The following GABRB1 variants were observed in gnomAD, a reference collection of about 807,000 sequenced individuals.
GABRB1 encodes gamma-aminobutyric acid receptor subunit beta-1.
A neutral mutation model predicts 51.6 loss-of-function variants in GABRB1; 17 were observed. The observed-to-expected ratio is 0.33, with a 90% CI of 0.23 to 0.49. GABRB1 has a LOEUF of 0.49. Among genes scored for constraint, GABRB1 ranks in the 20% least tolerant of loss-of-function variants. GABRB1 has a pLI of 0.99. For missense variants in GABRB1, 410 were observed against 600.6 expected (o/e 0.68, Z 3.32); for synonymous variants, 247 against 218.9 (o/e 1.13, Z -1.14).
intron 3 of GABRB1, among the ~76,000 whole-genome samples, chr4:47,114,233 C>T (rs892029348): frequency 1.9e-4 from 29 of 152,224 alleles, no homozygotes; most frequent in Admixed American, 1.8e-3. Flanking sequence ...CTCTTGCTGC[C>T]ATCTACTTCC....
At chr4:47,289,413 TA>T (rs1409473125) in intron 4 of GABRB1, among the ~76,000 whole-genome samples, 1 of 152,180 alleles carries the variant, frequency 6.6e-6, no homozygotes, top group Non-Finnish European at 1.5e-5. Context: ...TTGAAATTGT[TA>T]TTAGGGGTGG....
chr4:47,114,436 T>C (rs1162901801), intron 3 of GABRB1, among the ~76,000 whole-genome samples: 1 of 152,166 alleles, frequency 6.6e-6, no homozygotes, highest in South Asian at 2.1e-4. Flanking sequence ...AATAAACCAG[T>C]GTGTTCATCC....
At chr4:47,098,994 A>T (rs1468970264) in intron 3 of GABRB1, among the ~76,000 whole-genome samples, 2 of 152,118 alleles carry the variant, frequency 1.3e-5, no homozygotes, top group Non-Finnish European at 2.9e-5. Context: ...TCTGATTTCC[A>T]ATGATTTTCC....
At chr4:47,160,355 C>G (rs1230657584) in intron 3 of GABRB1, among the ~76,000 whole-genome samples, 8 of 152,158 alleles carry the variant, frequency 5.3e-5, no homozygotes, top group Admixed American at 5.2e-4. Context: ...ACCAAATAAA[C>G]ATCTCCATTT....
chr4:47,137,274 T>C (rs547393732), intron 3 of GABRB1, among the ~76,000 whole-genome samples: 1 of 151,862 alleles, frequency 6.6e-6, no homozygotes, highest in African/African-American at 2.4e-5. Context: ...GATCTGGAGG[T>C]GGTCTGATGA....
intron 4 of GABRB1, among the ~76,000 whole-genome samples, chr4:47,182,923 T>G (rs912316843): frequency 6.6e-6 from 1 of 151,932 alleles, no homozygotes; most frequent in South Asian, 2.1e-4. Flanking sequence ...TTTAGCCACA[T>G]TTGAAGATTC....
intron 8 of GABRB1, among the ~76,000 whole-genome samples, chr4:47,411,135 A>C (rs1474123411): frequency 6.6e-6 from 1 of 152,226 alleles, no homozygotes; most frequent in Non-Finnish European, 1.5e-5. Context: ...TTGTCAACAG[A>C]AACAGAGCAG....
At chr4:47,295,713 A>G (rs1723959075) in intron 4 of GABRB1, among the ~76,000 whole-genome samples, 1 of 152,242 alleles carries the variant, frequency 6.6e-6, no homozygotes, top group African/African-American at 2.4e-5. Context: ...AAAGTCCTCA[A>G]TCTAGCAAGG....
At chr4:47,343,462 G>A (rs144978143) in intron 5 of GABRB1, among the ~76,000 whole-genome samples, 19 of 152,250 alleles carry the variant, frequency 1.2e-4, no homozygotes, top group African/African-American at 4.6e-4. Context: ...TGACTGCACT[G>A]GTTTGATAGG....
chr4:47,395,726 T>G (rs1004742149), intron 5 of GABRB1, among the ~76,000 whole-genome samples: 1 of 152,180 alleles, frequency 6.6e-6, no homozygotes, highest in Non-Finnish European at 1.5e-5. Context: ...AAGTTTAGAG[T>G]GAAAATTTCC....
chr4:47,129,568 G>A (rs909590630), intron 3 of GABRB1, among the ~76,000 whole-genome samples: 1 of 152,122 alleles, frequency 6.6e-6, no homozygotes, highest in African/African-American at 2.4e-5. Context: ...ACTTACAGTT[G>A]ACTAACATAA....
intron 4 of GABRB1, among the ~76,000 whole-genome samples, chr4:47,284,311 G>T (rs985636788): frequency 6.6e-6 from 1 of 151,966 alleles, no homozygotes; most frequent in Non-Finnish European, 1.5e-5. Context: ...TGTAAAGATG[G>T]CCCTATTGCC....
At chr4:47,283,487 C>A (rs948855241) in intron 4 of GABRB1, among the ~76,000 whole-genome samples, 2 of 146,726 alleles carry the variant, frequency 1.4e-5, no homozygotes, top group Non-Finnish European at 3.0e-5. Flanking sequence ...CCAGGTTCAC[C>A]CCATTCTCCT....
At chr4:47,246,353 T>C (rs1424528926) in intron 4 of GABRB1, among the ~76,000 whole-genome samples, 12 of 19,756 alleles carry the variant, frequency 6.1e-4, no homozygotes, top group Admixed American at 1.2e-3. Flanking sequence ...TATATATATA[T>C]ATATATATAT....
At chr4:47,341,136 C>T (rs1725878979) in intron 5 of GABRB1, among the ~76,000 whole-genome samples, 2 of 152,156 alleles carry the variant, frequency 1.3e-5, no homozygotes, top group African/African-American at 4.8e-5. Flanking sequence ...TTCTCAACTC[C>T]ATGAAATTTG....
At position 47,350,216 on chromosome 4, in the gene GABRB1, TATAGAG is replaced by T. The variant is rs1410613623; in HGVS notation, c.544+30009_544+30014del. Among the ~76,000 whole-genome samples the T allele has an allele frequency of 3.0e-3, 224 of 73,760 alleles. 1 individual carries two copies. Among genetic ancestry groups the T allele is most frequent in the South Asian group, 5.3e-3 (10 of 1,886 alleles). 48.4% of individuals were successfully genotyped at this position (73,760 alleles called of 152,430 possible). A position where few individuals can be genotyped will look rare whatever the true frequency, so the allele number is the denominator to read the frequency against. On this transcript the variant is annotated intron_variant, in intron 5 of 8. Coordinates refer to ENST00000295454, the MANE Select transcript of GABRB1 (RefSeq NM_000812.4). ...ATATATATATATATATATATATATA[TATAGAG>T]AGAGAGAGAGAGAGAGAGAGAGGTT...
intron 5 of GABRB1, among the ~76,000 whole-genome samples, chr4:47,352,192 G>T (rs1317539078): frequency 6.6e-6 from 1 of 152,092 alleles, no homozygotes; most frequent in Non-Finnish European, 1.5e-5. Context: ...GTGTCTGTTG[G>T]CTGCATAAAT....
At chr4:47,085,053 TCA>T (rs1728005374) in intron 3 of GABRB1, among the ~76,000 whole-genome samples, 1 of 152,214 alleles carries the variant, frequency 6.6e-6, no homozygotes, top group African/African-American at 2.4e-5. Context: ...TCTCTGACTC[TCA>T]TCATCTTAGA....
intron 5 of GABRB1, among the ~76,000 whole-genome samples, chr4:47,384,658 CT>C (rs1313748809): frequency 1.3e-5 from 2 of 152,130 alleles, no homozygotes; most frequent in African/African-American, 2.4e-5. Flanking sequence ...AAGAATAACA[CT>C]GTTAGTGCAG....
Sources: gnomAD v4.1 joint callset for allele counts (sites outside exome capture counted in the v4.1 genomes callset) on GRCh38, gnomAD v4.1.1 for gene constraint, MANE v1.5 for transcripts, NCBI Gene and HGNC (gene_info 2026-07-23, HGNC 2026-07-21) for gene names.